The following GRM1 variants were observed in gnomAD, a reference collection of about 807,000 sequenced individuals.
GRM1 encodes the protein metabotropic glutamate receptor 1.
Under a neutral mutation model 90.9 loss-of-function variants are expected in GRM1, and 33 were observed. The ratio of observed to expected loss-of-function variants is 0.36; its 90% confidence interval spans 0.28 to 0.49. The LOEUF (loss-of-function observed/expected upper bound fraction) is 0.49, where lower values mean the gene tolerates loss of function less well. Ranked by LOEUF, GRM1 falls within the 20% of genes least tolerant of loss-of-function variation. The pLI is 0.99. For synonymous variants in GRM1, 700 were observed against 613.2 expected (o/e 1.14, Z -2.09); for missense variants, 1,190 against 1,534.3 (o/e 0.78, Z 3.75).
intron 2 of GRM1, among the ~76,000 whole-genome samples, chr6:146,182,846 CTGAG>C (rs1778599552): frequency 1.3e-5 from 2 of 152,048 alleles, no homozygotes; most frequent in South Asian, 4.1e-4. Context: ...CCTAGATAAA[CTGAG>C]TATTAATATT....
chr6:146,402,427 C>T (rs1422976115), intron 7 of GRM1, among the ~76,000 whole-genome samples: 1 of 151,994 alleles, frequency 6.6e-6, no homozygotes, highest in East Asian at 1.9e-4. Context: ...TTTTTATTGC[C>T]ATTTTATATT....
chr6:146,045,332 C>T (rs1345422659), intron 1 of GRM1, among the ~76,000 whole-genome samples: 1 of 151,942 alleles, frequency 6.6e-6, no homozygotes, highest in African/African-American at 2.4e-5. Context: ...CTGGTTACAT[C>T]AATGCCTTCT....
intron 5 of GRM1, chr6:146,365,473 T>TG (rs1775642822): frequency 1.3e-5 from 2 of 152,344 alleles, no homozygotes; most frequent in African/African-American, 4.8e-5. Flanking sequence ...CATGGAGAAA[T>TG]GCTGTGAATC....
chr6:146,269,563 G>A (rs564751271), intron 2 of GRM1, among the ~76,000 whole-genome samples: 2 of 152,316 alleles, frequency 1.3e-5, no homozygotes, highest in African/African-American at 4.8e-5. Context: ...ACCAATCTGT[G>A]GGCTGTTAGG....
intron 2 of GRM1, among the ~76,000 whole-genome samples, chr6:146,213,726 AGATAGATAGATG>A (rs1233502608): frequency 2.0e-5 from 3 of 151,502 alleles, no homozygotes; most frequent in Non-Finnish European, 2.9e-5. Flanking sequence ...ATAGATAGAT[AGATAGATAGATG>A]GATGAAAGGA....
intron 2 of GRM1, chr6:146,159,916 T>TA (rs566531460): frequency 0.18 from 12,040 of 66,298 alleles, 1,555 homozygotes; most frequent in African/African-American, 0.39. Context: ...ACCTTAACTA[T>TA]AAAAAAAAAA....
In GRM1 at chr6:146,310,221, A is replaced by G. The variant is rs536224555; in HGVS notation, c.1186+5375A>G. The stretch of plus-strand genomic sequence containing the variant: ...AATAGTTTGGAGGCTGCCATTCACA[A>G]TTTTAGACTGATACTAATTTTCATA... On this transcript the variant is annotated intron_variant, in intron 3 of 7. Coordinates refer to ENST00000282753, the MANE Select transcript of GRM1 (RefSeq NM_001278064.2). 1.6e-4 allele frequency among the ~76,000 whole-genome samples: 24 copies of G among 152,352 alleles called. No homozygotes were observed. The South Asian group carries it at 4.8e-3, about 30-fold the overall frequency.
intron 2 of GRM1, among the ~76,000 whole-genome samples, chr6:146,259,008 T>A (rs1315291178): frequency 6.6e-6 from 1 of 152,190 alleles, no homozygotes; most frequent in African/African-American, 2.4e-5. Context: ...ACTGAAGAGT[T>A]CTTGCCTGGC....
rs1233771105 is a variant in GRM1 at position 146,172,797 on chromosome 6, GT to G, written c.950+13205del. ...AGTATTTTTTATAGTCCTAGAATTT[GT>G]TTTTGTCATATTTAATGGCATTTGG... On this transcript the variant is annotated intron_variant, in intron 2 of 7. Transcript: ENST00000282753. 9.9e-5 allele frequency among the ~76,000 whole-genome samples: 15 copies of G among 152,202 alleles called. 1 individual carries two copies. The South Asian group carries it at 2.9e-3, about 29-fold the overall frequency.
At chr6:146,063,130 TG>T (rs1280759883) in intron 1 of GRM1, among the ~76,000 whole-genome samples, 2 of 152,340 alleles carry the variant, frequency 1.3e-5, no homozygotes, top group African/African-American at 4.8e-5. Flanking sequence ...CAACCTCCTC[TG>T]GCAGATTTGA....
chr6:146,257,889 A>T (rs1482800719), intron 2 of GRM1, among the ~76,000 whole-genome samples: 1 of 152,120 alleles, frequency 6.6e-6, no homozygotes, highest in Non-Finnish European at 1.5e-5. Flanking sequence ...AATAATGTTT[A>T]ATCCGAGCAC....
chr6:146,270,849 T>TTTCTTTCTTTC, intron 2 of GRM1, among the ~76,000 whole-genome samples: 1 of 91,754 alleles, frequency 1.1e-5, no homozygotes, highest in East Asian at 3.8e-4. Context: ...CTTTCTTTCT[T>TTTCTTTCTTTC]TTTCTTTCTT....
At chr6:146,137,140 A>G (rs1283562270) in intron 1 of GRM1, among the ~76,000 whole-genome samples, 1 of 152,130 alleles carries the variant, frequency 6.6e-6, no homozygotes, top group Admixed American at 6.5e-5. Flanking sequence ...GGCGTGAGCT[A>G]CCATGCCCGG....
chr6:146,288,166 GT>G (rs773897110), intron 2 of GRM1, among the ~76,000 whole-genome samples: 6 of 152,194 alleles, frequency 3.9e-5, no homozygotes, highest in Non-Finnish European at 8.8e-5. Context: ...AAACATGGCT[GT>G]TAATGACCCT....
intron 3 of GRM1, among the ~76,000 whole-genome samples, chr6:146,337,493 A>T (rs1363551354): frequency 6.6e-6 from 1 of 152,208 alleles, no homozygotes; most frequent in African/African-American, 2.4e-5. Context: ...AAGGAACTAA[A>T]CTATATATGG....
rs1776503254 is a variant in GRM1 at position 146,085,305 on chromosome 6, GGCTTCT to G, written c.700+55093_700+55098del. Among the ~76,000 whole-genome samples the G allele has an allele frequency of 2.0e-5, 3 of 152,050 alleles. No homozygotes were observed. In the South Asian group the frequency reaches 6.2e-4, roughly 32 times the overall value. ...GAATAATTTAAGGGTGATGCTAAAT[GGCTTCT>G]GCTTTGCCACATAAATAAATGACAC... On this transcript the variant is annotated intron_variant, in intron 1 of 7. Coordinates refer to ENST00000282753, the MANE Select transcript of GRM1 (RefSeq NM_001278064.2).
Position 146,135,299 on chromosome 6 carries a change from C to T in GRM1, c.701-24049C>T, listed in dbSNP as rs539415916. On this transcript the variant is annotated intron_variant, in intron 1 of 7. Coordinates refer to ENST00000282753, the MANE Select transcript of GRM1 (RefSeq NM_001278064.2). ...CTCTGCTGCCAGAGCGCCTGCTTAT[C>T]ACCATTCTGCAATGCTATCTCTCCT... 2.0e-5 allele frequency among the ~76,000 whole-genome samples: 3 copies of T among 152,252 alleles called. No individual in the cohort carries two copies. The East Asian group carries it at 5.8e-4, about 29-fold the overall frequency.
At chr6:146,252,236 C>T (rs1384824822) in intron 2 of GRM1, among the ~76,000 whole-genome samples, 1 of 152,054 alleles carries the variant, frequency 6.6e-6, no homozygotes, top group Non-Finnish European at 1.5e-5. Flanking sequence ...AAAGATTATA[C>T]ATGCAAAAAA....
intron 7 of GRM1, among the ~76,000 whole-genome samples, chr6:146,418,246 G>A (rs1777857145): frequency 1.3e-5 from 2 of 151,830 alleles, no homozygotes; most frequent in African/African-American, 4.8e-5. Flanking sequence ...CTTTTTTTAA[G>A]TGAAAGAAAA....
Sources: gnomAD v4.1 joint callset for allele counts (sites outside exome capture counted in the v4.1 genomes callset) on GRCh38, gnomAD v4.1.1 for gene constraint, MANE v1.5 for transcripts, NCBI Gene and HGNC (gene_info 2026-07-23, HGNC 2026-07-21) for gene names.